Variants in MGMT observed in about 807,000 individuals in gnomAD.
MGMT encodes the protein O-6-methylguanine-DNA methyltransferase, also known as methylated-DNA--protein-cysteine methyltransferase.
In MGMT, 14 loss-of-function variants were observed where a neutral mutation model predicts 15.9. The ratio of observed to expected loss-of-function variants is 0.88; its 90% CI spans 0.58 to 1.37. The LOEUF (loss-of-function observed/expected upper bound fraction) is 1.37. Ranked by LOEUF, MGMT falls within the 40% of genes most tolerant of loss-of-function variation. MGMT has a pLI of 0.00. For synonymous variants in MGMT, 130 were observed against 118.2 expected, an observed-to-expected ratio of 1.10 and a Z score of -0.65; for missense variants, 282 against 268.1, an observed-to-expected ratio of 1.05 and a Z score of -0.36.
intron 2 of MGMT, among the ~76,000 whole-genome samples, chr10:129,581,272 A>C (rs1846552607): frequency 6.6e-6 from 1 of 152,002 alleles, no homozygotes. Flanking sequence ...CTGGTTCTGC[A>C]GTGGCGTGAC....
At position 129,640,431 on chromosome 10, in the gene MGMT, T is replaced by G. The variant is rs905016435; in HGVS notation, c.126-67464T>G. On this transcript the variant is annotated intron_variant, in intron 2 of 4. Coordinates refer to ENST00000651593, the MANE Select transcript of MGMT (RefSeq NM_002412.5). The stretch of plus-strand genomic sequence containing the variant: ...TTTTGAAAGGCACAGACTACCAAGC[T>G]CATTCAAGAAGAAATAGTCTTAAAT... Among the ~76,000 whole-genome samples, 4 of 152,158 alleles carry G rather than the reference T, an allele frequency of 2.6e-5. No homozygotes were observed. In the South Asian group the frequency reaches 8.3e-4, roughly 32 times the overall value.
intron 3 of MGMT, among the ~76,000 whole-genome samples, chr10:129,731,781 G>A (rs571201812): frequency 3.9e-5 from 6 of 152,196 alleles, no homozygotes; most frequent in Admixed American, 2.0e-4. Context: ...TTCTGGAAAT[G>A]AGTTTTCCAA....
At chr10:129,685,978 CTTAAGT>C in intron 2 of MGMT, among the ~76,000 whole-genome samples, 1 of 152,194 alleles carries the variant, frequency 6.6e-6, no homozygotes, top group Admixed American at 6.5e-5. Context: ...ATTGATTATT[CTTAAGT>C]TTAAGACAAT....
At chr10:129,627,033 G>A (rs903422222) in intron 2 of MGMT, among the ~76,000 whole-genome samples, 26 of 152,152 alleles carry the variant, frequency 1.7e-4, no homozygotes, top group African/African-American at 5.6e-4. Flanking sequence ...TGTCCCTCAC[G>A]CTGGCTTTCA....
At chr10:129,520,527 A>ACGGTG (rs1410334016) in intron 1 of MGMT, among the ~76,000 whole-genome samples, 32,672 of 148,486 alleles carry the variant, frequency 0.22, 4,399 homozygotes, top group African/African-American at 0.37. Flanking sequence ...CAGAGCCTCT[A>ACGGTG]CAGTGCATGT....
At chr10:129,494,933 C>T (rs998343254) in intron 1 of MGMT, among the ~76,000 whole-genome samples, 3 of 152,174 alleles carry the variant, frequency 2.0e-5, no homozygotes, top group African/African-American at 7.2e-5. Context: ...AGGGACGTCA[C>T]CCCTGTGGGG....
rs772901332 is a variant in MGMT, at chr10:129,707,937, G to A, written c.168G>A (p.Pro56=). 20 of 1,612,564 alleles carry A rather than the reference G, an allele frequency of 1.2e-5. No homozygotes were observed. The highest frequency in any genetic ancestry group is 1.7e-5 in the Admixed American group (1 of 60,008). Residue 56 remains proline, a synonymous_variant, in exon 3 of 5, where the codon CCG becomes CCA. Coordinates refer to ENST00000651593, the MANE Select transcript of MGMT (RefSeq NM_002412.5). ...VPAPAAVLGG[P]EPLMQCTAWL... is the part of the protein sequence containing the mutation. ...CCCCCGCTGCGGTTCTCGGAGGTCC[G>A]GAGCCCCTGATGCAGTGCACAGCCT... is the stretch of plus-strand genomic sequence containing the variant.
At chr10:129,582,803 C>T (rs374383216) in intron 2 of MGMT, among the ~76,000 whole-genome samples, 27 of 152,228 alleles carry the variant, frequency 1.8e-4, no homozygotes, top group African/African-American at 6.3e-4. Context: ...GCCCTGTGCC[C>T]GCCATGACCA....
intron 1 of MGMT, among the ~76,000 whole-genome samples, chr10:129,473,758 C>A (rs924120556): frequency 2.6e-5 from 4 of 152,180 alleles, no homozygotes; most frequent in African/African-American, 9.7e-5. Flanking sequence ...CAAGTGTATT[C>A]CTGCTTGAAG....
intron 3 of MGMT, among the ~76,000 whole-genome samples, chr10:129,757,356 T>C (rs1848818744): frequency 6.6e-6 from 1 of 152,236 alleles, no homozygotes; most frequent in Non-Finnish European, 1.5e-5. Flanking sequence ...AACCATGCCA[T>C]TGTTTCTCGG....
At chr10:129,722,183 C>T in intron 3 of MGMT, among the ~76,000 whole-genome samples, 1 of 151,822 alleles carries the variant, frequency 6.6e-6, no homozygotes, top group South Asian at 2.1e-4. Context: ...ACTATTAAAA[C>T]CAATAAGTGA....
At chr10:129,663,160 A>G (rs968102932) in intron 2 of MGMT, among the ~76,000 whole-genome samples, 4 of 152,256 alleles carry the variant, frequency 2.6e-5, no homozygotes, top group Admixed American at 6.5e-5. Context: ...GAAAAGTTTC[A>G]TAAAAGAATT....
At chr10:129,582,844 G>A (rs1012458163) in intron 2 of MGMT, among the ~76,000 whole-genome samples, 7 of 152,122 alleles carry the variant, frequency 4.6e-5, no homozygotes, top group Non-Finnish European at 1.0e-4. Context: ...CATATTGACT[G>A]CAGGCCCTGT....
intron 2 of MGMT, among the ~76,000 whole-genome samples, chr10:129,577,674 A>G (rs1224541759): frequency 6.6e-6 from 1 of 152,258 alleles, no homozygotes; most frequent in Non-Finnish European, 1.5e-5. Context: ...ACAAAAGCCA[A>G]AATTGACAAA....
At chr10:129,715,780 A>G (rs1019978181) in intron 3 of MGMT, among the ~76,000 whole-genome samples, 1 of 152,218 alleles carries the variant, frequency 6.6e-6, no homozygotes, top group Admixed American at 6.5e-5. Flanking sequence ...CTGAAAAACT[A>G]TTGCAGGAGC....
At chr10:129,661,716 A>G (rs1313651109) in intron 2 of MGMT, among the ~76,000 whole-genome samples, 1 of 152,184 alleles carries the variant, frequency 6.6e-6, no homozygotes, top group Non-Finnish European at 1.5e-5. Flanking sequence ...CCGCAATTTA[A>G]TCTGACGATC....
intron 2 of MGMT, among the ~76,000 whole-genome samples, chr10:129,626,010 G>A (rs1264063606): frequency 4.6e-5 from 7 of 152,170 alleles, no homozygotes; most frequent in African/African-American, 1.2e-4. Context: ...CCTTCAGCTC[G>A]TGATGGCGCA....
chr10:129,668,284 TAAA>T (rs200384311), intron 2 of MGMT, among the ~76,000 whole-genome samples: 1 of 145,010 alleles, frequency 6.9e-6, no homozygotes, highest in African/African-American at 2.5e-5. Flanking sequence ...ATATTCATCT[TAAA>T]AAAAAAAAAA....
chr10:129,664,145 G>A (rs1847630846), intron 2 of MGMT, among the ~76,000 whole-genome samples: 1 of 152,124 alleles, frequency 6.6e-6, no homozygotes, highest in African/African-American at 2.4e-5. Context: ...AGGAATGCAA[G>A]GGTAGTTTGG....
Sources: allele counts gnomAD v4.1 joint callset (sites outside exome capture counted in the v4.1 genomes callset), GRCh38; gene constraint gnomAD v4.1.1; transcripts MANE v1.5; gene names NCBI Gene and HGNC (gene_info 2026-07-23, HGNC 2026-07-21).